The following CACNA1B variants were observed in gnomAD, a reference collection of about 807,000 sequenced individuals.
The protein encoded by CACNA1B is calcium voltage-gated channel subunit alpha1 B.
Under a neutral mutation model 247.2 loss-of-function variants are expected in CACNA1B, and 70 were observed. That is an observed-to-expected ratio of 0.28 (90% confidence interval 0.23 to 0.35). The LOEUF is 0.35. Among genes scored for constraint, CACNA1B ranks in the 10% least tolerant of loss-of-function variants. CACNA1B has a pLI of 1.00. For missense variants in CACNA1B, 2,367 were observed against 3,197.4 expected, an observed-to-expected ratio of 0.74 and a Z score of 6.26; for synonymous variants, 1,231 against 1,294.4, an observed-to-expected ratio of 0.95 and a Z score of 1.05.
intron 36 of CACNA1B, among the ~76,000 whole-genome samples, chr9:138,088,988 A>AAAAAAAAAC (rs1960793419): frequency 7.0e-6 from 1 of 143,074 alleles, no homozygotes; most frequent in Non-Finnish European, 1.5e-5. Context: ...AAAAAAAAAA[A>AAAAAAAAAC]AAAAAATCCC....
At chr9:138,088,729 C>T (rs1960782016) in intron 36 of CACNA1B, among the ~76,000 whole-genome samples, 1 of 151,326 alleles carries the variant, frequency 6.6e-6, no homozygotes. Flanking sequence ...TCAAGGCAGG[C>T]AGATCATGAG....
intron 20 of CACNA1B, among the ~76,000 whole-genome samples, chr9:138,034,264 C>T (rs1180427808): frequency 6.6e-6 from 1 of 152,088 alleles, no homozygotes; most frequent in African/African-American, 2.4e-5. Context: ...GTCTAGGCTC[C>T]CCGTGTGATC....
intron 6 of CACNA1B, among the ~76,000 whole-genome samples, chr9:137,932,897 ACTTTATTTTAT>A (rs1957623739): frequency 6.6e-6 from 1 of 151,242 alleles, no homozygotes. Context: ...TGCATTGATG[ACTTTATTTTAT>A]CTTTACTTTT....
At position 138,072,284 on chromosome 9, in the gene CACNA1B, C is replaced by T. The variant is rs2133534204; in HGVS notation, c.4675-1204C>T. On this transcript the variant is annotated intron_variant, in intron 32 of 46. Coordinates refer to ENST00000371372, the MANE Select transcript of CACNA1B (RefSeq NM_000718.4). The surrounding 1 kb of genome is among the most constrained non-coding windows in gnomAD (Gnocchi z 4.5). Reference sequence around the variant, plus strand: ...ACCCTGCCCCTGCCAGTGGAAGTGGCAGACCTAGGCAGAGGTGTCCTCAGT... The same window carrying T: ...ACCCTGCCCCTGCCAGTGGAAGTGGTAGACCTAGGCAGAGGTGTCCTCAGT... 6.6e-6 allele frequency among the ~76,000 whole-genome samples: 1 copy of T among 152,334 alleles called. No individual in the cohort carries two copies. The highest frequency in any genetic ancestry group is 1.9e-4 in the East Asian group (1 of 5,180).
At chr9:138,046,837 T>C in intron 21 of CACNA1B, 67 bp from the exon 22 acceptor site, 1 of 1,531,392 alleles carries the variant, frequency 6.5e-7, no homozygotes. Context: ...GGGCTGAGCC[T>C]GCCCTGTGGC....
intron 36 of CACNA1B, among the ~76,000 whole-genome samples, chr9:138,092,848 C>A (rs1479640548): frequency 6.6e-6 from 1 of 152,180 alleles, no homozygotes; most frequent in Non-Finnish European, 1.5e-5. Flanking sequence ...TTCAGCCGGT[C>A]CCTCCGTTCA....
intron 6 of CACNA1B, among the ~76,000 whole-genome samples, chr9:137,930,331 G>C (rs974241282): frequency 6.6e-6 from 1 of 152,094 alleles, no homozygotes; most frequent in Non-Finnish European, 1.5e-5. Context: ...AAATTCCCTT[G>C]AAATTTCCTC....
rs564334041 is a variant in CACNA1B, at chr9:138,072,587, G to C, written c.4675-901G>C. Among the ~76,000 whole-genome samples the C allele has an allele frequency of 4.5e-4, 69 of 152,366 alleles. 1 individual carries two copies. The highest frequency in any genetic ancestry group is 2.1e-3 in the South Asian group (10 of 4,828). Reference sequence around the variant, plus strand: ...GAAGCTGCTCTCAGGCTGTGTGTGGGCACCTGACCTCTAGGTAGACAGAGG... The same window carrying C: ...GAAGCTGCTCTCAGGCTGTGTGTGGCCACCTGACCTCTAGGTAGACAGAGG... On this transcript the variant is annotated intron_variant, in intron 32 of 46. Transcript: ENST00000371372. This position sits in a 1 kb window ranked among gnomAD's most constrained non-coding sequence, Gnocchi z 4.5.
At chr9:138,090,111 C>T (rs1343643226) in intron 36 of CACNA1B, among the ~76,000 whole-genome samples, 3 of 151,850 alleles carry the variant, frequency 2.0e-5, no homozygotes, top group Non-Finnish European at 4.4e-5. Flanking sequence ...CACAAAAGAC[C>T]CTGGATAGCT....
chr9:137,896,094 C>T lies in CACNA1B; in HGVS notation c.530+13211C>T, dbSNP rs183381655. Among the ~76,000 whole-genome samples, 4 of 152,118 alleles carry T rather than the reference C, an allele frequency of 2.6e-5. No individual in the cohort carries two copies. In the East Asian group the frequency reaches 7.7e-4, roughly 29 times the overall value. Reference sequence around the variant, plus strand: ...CTCTACTAAAAATACAAAAAGTTAGCCGGGTGTGGTGGCAGGCGCCTGTAG... The same window carrying T: ...CTCTACTAAAAATACAAAAAGTTAGTCGGGTGTGGTGGCAGGCGCCTGTAG... On this transcript the variant is annotated intron_variant, in intron 3 of 46. Coordinates refer to ENST00000371372, the MANE Select transcript of CACNA1B (RefSeq NM_000718.4).
Position 137,948,972 on chromosome 9 carries a change from GTGTC to G in CACNA1B, c.967-3298_967-3295del, listed in dbSNP as rs370782168. Among the ~76,000 whole-genome samples, 1,462 of 146,676 alleles carry G rather than the reference GTGTC, an allele frequency of 1.0e-2. 8 individuals are homozygous for G. The highest frequency in any genetic ancestry group is 0.013 in the East Asian group (65 of 4,872). Reference sequence around the variant, plus strand: ...TGTGTGGCATGCATGTGTATGGTGTGTGTCTGTTGTGTGTCTGGTGTTTGGTGTG... The same window carrying G: ...TGTGTGGCATGCATGTGTATGGTGTGTGTTGTGTGTCTGGTGTTTGGTGTG... On this transcript the variant is annotated intron_variant, in intron 6 of 46. Coordinates refer to ENST00000371372, the MANE Select transcript of CACNA1B (RefSeq NM_000718.4).
intron 36 of CACNA1B, among the ~76,000 whole-genome samples, chr9:138,094,359 G>C (rs117478675): frequency 6.7e-5 from 10 of 149,724 alleles, no homozygotes; most frequent in Non-Finnish European, 1.5e-4. Flanking sequence ...TTGCACAACA[G>C]TGTGAATATA....
At chr9:138,040,503 A>G (rs1430814457) in intron 20 of CACNA1B, 2 of 320,818 alleles carry the variant, frequency 6.2e-6, no homozygotes, top group South Asian at 2.9e-5. Context: ...TATAAATGAT[A>G]TATGTATGGG....
rs913341222 is a variant in CACNA1B, at chr9:138,007,160, G to A, written c.2092+276G>A. On this transcript the variant is annotated intron_variant, in intron 16 of 46. Coordinates refer to ENST00000371372, the MANE Select transcript of CACNA1B (RefSeq NM_000718.4). This position sits in a 1 kb window ranked among gnomAD's most constrained non-coding sequence, Gnocchi z 4.1. ...GCAGCAGGCCCAGGACAGACTCTGA[G>A]CAGCAGTCGGGGAGCCTCACACTCT... 6.6e-5 allele frequency among the ~76,000 whole-genome samples: 10 copies of A among 152,232 alleles called. No homozygotes were observed. The highest frequency in any genetic ancestry group is 2.2e-4 in the African/African-American group (9 of 41,468).
chr9:138,008,071 C>T (rs1376361992), intron 16 of CACNA1B, among the ~76,000 whole-genome samples: 1 of 152,164 alleles, frequency 6.6e-6, no homozygotes, highest in Non-Finnish European at 1.5e-5. Flanking sequence ...ATCCAGCCTT[C>T]CTGGGAAGTT....
At chr9:138,078,422 C>G (rs1960402220) in intron 36 of CACNA1B, among the ~76,000 whole-genome samples, 164 bp downstream of exon 36, 1 of 152,202 alleles carries the variant, frequency 6.6e-6, no homozygotes, top group Non-Finnish European at 1.5e-5. Context: ...CTTTGTTAGC[C>G]AGAGAAAGGG....
chr9:137,952,458 G>A lies in CACNA1B; in HGVS notation c.1070+81G>A. The A allele has an allele frequency of 8.3e-7, 1 of 1,202,746 alleles. No homozygotes were observed. The allele number at this position is 1,202,746 out of a possible 1,614,324, so 74.5% of individuals were successfully genotyped here. The stretch of plus-strand genomic sequence containing the variant: ...TCAACAGGGGCACGTGTGACACTTG[G>A]GGTGGGGGCCTGGCCCATGGGTGCC... On this transcript the variant is annotated intron_variant, in intron 7 of 46. Coordinates refer to ENST00000371372, the MANE Select transcript of CACNA1B (RefSeq NM_000718.4). The surrounding 1 kb of genome is among the most constrained non-coding windows in gnomAD (Gnocchi z 4.8).
intron 1 of CACNA1B, 34 bp downstream of exon 1, chr9:137,878,251 C>A: frequency 1.3e-5 from 3 of 229,426 alleles, no homozygotes; most frequent in Admixed American, 7.5e-5. Flanking sequence ...CGGGGCCGGG[C>A]GGGGACCGGG....
intron 19 of CACNA1B, 128 bp downstream of exon 19, chr9:138,023,939 C>T: frequency 1.7e-6 from 1 of 604,122 alleles, no homozygotes; most frequent in Admixed American, 3.0e-5. Flanking sequence ...ATGTCCAGAG[C>T]CGTCGGGGCT....
Sources: gnomAD v4.1 joint callset for allele counts (sites outside exome capture counted in the v4.1 genomes callset) on GRCh38, gnomAD v4.1.1 for gene constraint, Gnocchi (gnomAD v3.1) non-coding constraint, MANE v1.5 for transcripts, NCBI Gene and HGNC (gene_info 2026-07-23, HGNC 2026-07-21) for gene names.